The following LRFN5 variants were observed in gnomAD, a reference collection of about 807,000 sequenced individuals.
LRFN5 encodes leucine rich repeat and fibronectin type III domain containing 5, also known as leucine-rich repeat and fibronectin type-III domain-containing protein 5.
In LRFN5, 24 loss-of-function variants were observed where a neutral mutation model predicts 45.6. The observed-to-expected ratio is 0.53, with a 90% CI of 0.38 to 0.74. The LOEUF (loss-of-function observed/expected upper bound fraction) is 0.74. Among genes scored for constraint, LRFN5 ranks in the 30% least tolerant of loss-of-function variants. The probability of loss-of-function intolerance (pLI) is 0.00; values close to 1 mark genes in which losing one functional copy is unlikely to be tolerated. For synonymous variants in LRFN5, 340 were observed against 313.8 expected, an observed-to-expected ratio of 1.08 and a Z score of -0.88; for missense variants, 776 against 861.5, an observed-to-expected ratio of 0.90 and a Z score of 1.24.
chr14:41,655,532 G>A (rs974309115), intron 1 of LRFN5, among the ~76,000 whole-genome samples: 3 of 152,008 alleles, frequency 2.0e-5, no homozygotes, highest in African/African-American at 7.2e-5. Context: ...CTTGGTTAAG[G>A]CTTGTACTCT....
At chr14:41,719,984 T>C (rs1883648772) in intron 1 of LRFN5, among the ~76,000 whole-genome samples, 1 of 152,026 alleles carries the variant, frequency 6.6e-6, no homozygotes, top group African/African-American at 2.4e-5. Context: ...AATTTTAACT[T>C]TCATTTTAGA....
chr14:41,852,369 C>T (rs60113543), intron 2 of LRFN5, among the ~76,000 whole-genome samples: 14,358 of 151,788 alleles, frequency 0.095, 1,617 homozygotes, highest in East Asian at 0.44. Context: ...AATTGATAAT[C>T]TATGAAAAAT....
intron 5 of LRFN5, among the ~76,000 whole-genome samples, chr14:41,901,910 C>T (rs967004603): frequency 6.6e-6 from 1 of 151,872 alleles, no homozygotes; most frequent in African/African-American, 2.4e-5. Context: ...ATGTAGGAAA[C>T]ATTTGGCTGT....
Position 41,795,326 on chromosome 14 carries a change from G to A in LRFN5, c.-21+28297G>A, listed in dbSNP as rs567485189. ...AAATAGGAACAATTTTACACTGTTG[G>A]TGGGACTGTAAACTAGTTCAACCAT... is the stretch of plus-strand genomic sequence containing the variant. On this transcript the variant is annotated intron_variant, in intron 2 of 5. Transcript: ENST00000298119. Among the ~76,000 whole-genome samples the A allele has an allele frequency of 3.3e-5, 5 of 152,116 alleles. 1 individual carries two copies. Among genetic ancestry groups the A allele is most frequent in the East Asian group, 1.9e-4 (1 of 5,178 alleles).
At chr14:41,799,017 G>A (rs1328671579) in intron 2 of LRFN5, among the ~76,000 whole-genome samples, 1 of 151,350 alleles carries the variant, frequency 6.6e-6, no homozygotes, top group Non-Finnish European at 1.5e-5. Flanking sequence ...CTTTTTTTCT[G>A]TTTGTTTTAA....
chr14:41,692,834 AT>A (rs200989688), intron 1 of LRFN5, among the ~76,000 whole-genome samples: 2,333 of 151,290 alleles, frequency 0.015, 13 homozygotes, highest in African/African-American at 0.022. Context: ...AAGCTCTTCA[AT>A]TTTTTTTTCT....
At chr14:41,862,268 A>C (rs1889690977) in intron 2 of LRFN5, among the ~76,000 whole-genome samples, 1 of 151,960 alleles carries the variant, frequency 6.6e-6, no homozygotes. Flanking sequence ...ACAAAATAAA[A>C]CCCACTATCT....
chr14:41,763,826 G>A (rs1417065419), intron 1 of LRFN5, among the ~76,000 whole-genome samples: 6 of 152,114 alleles, frequency 3.9e-5, no homozygotes, highest in South Asian at 4.1e-4. Flanking sequence ...CCTCAGTTAT[G>A]TCTTTATTAG....
intron 2 of LRFN5, among the ~76,000 whole-genome samples, chr14:41,873,219 A>G (rs909194130): frequency 6.6e-6 from 1 of 152,216 alleles, no homozygotes; most frequent in African/African-American, 2.4e-5. Flanking sequence ...TCCTATTTTC[A>G]GGCATAGTGC....
chr14:41,897,023 C>A (rs1890962220), intron 4 of LRFN5, among the ~76,000 whole-genome samples: 1 of 151,354 alleles, frequency 6.6e-6, no homozygotes, highest in African/African-American at 2.4e-5. Flanking sequence ...ACCCTGGAGT[C>A]GGAGGTTGCA....
intron 1 of LRFN5, among the ~76,000 whole-genome samples, chr14:41,635,501 G>A (rs868303511): frequency 2.0e-5 from 3 of 152,052 alleles, no homozygotes; most frequent in Admixed American, 6.6e-5. Flanking sequence ...AACCTCACTC[G>A]TGATTCTAAT....
chr14:41,877,715 A>G (rs1309380307), intron 2 of LRFN5, among the ~76,000 whole-genome samples: 11 of 152,020 alleles, frequency 7.2e-5, no homozygotes. Flanking sequence ...GGACTATGCA[A>G]ATTTAAATAT....
intron 1 of LRFN5, among the ~76,000 whole-genome samples, chr14:41,735,389 T>G (rs909415246): frequency 3.9e-5 from 6 of 151,960 alleles, no homozygotes; most frequent in South Asian, 2.1e-4. Context: ...TACCTCAGCC[T>G]GCTGACTAGC....
intron 1 of LRFN5, among the ~76,000 whole-genome samples, chr14:41,734,323 T>TATATATATATATAC (rs2138802160): frequency 1.2e-5 from 1 of 80,692 alleles, no homozygotes; most frequent in South Asian, 4.6e-4. Flanking sequence ...GTTTTATATA[T>TATATATATATATAC]ATATATATAT....
At chr14:41,731,607 C>T (rs1205320016) in intron 1 of LRFN5, among the ~76,000 whole-genome samples, 1 of 152,096 alleles carries the variant, frequency 6.6e-6, no homozygotes, top group East Asian at 1.9e-4. Context: ...CTACTTCCAC[C>T]ATTCTACCCT....
At chr14:41,684,247 A>G (rs1028313900) in intron 1 of LRFN5, among the ~76,000 whole-genome samples, 1 of 152,182 alleles carries the variant, frequency 6.6e-6, no homozygotes, top group African/African-American at 2.4e-5. Context: ...GAAAAGTGAA[A>G]GTAGACCCCT....
At chr14:41,669,593 T>A (rs1881070044) in intron 1 of LRFN5, among the ~76,000 whole-genome samples, 1 of 152,016 alleles carries the variant, frequency 6.6e-6, no homozygotes, top group South Asian at 2.1e-4. Flanking sequence ...ACTATTGGCA[T>A]GGTTGTCGCT....
intron 1 of LRFN5, among the ~76,000 whole-genome samples, chr14:41,673,748 G>T (rs1211438834): frequency 6.9e-6 from 1 of 145,208 alleles, no homozygotes; most frequent in Non-Finnish European, 1.5e-5. Flanking sequence ...AGGGGTGGCC[G>T]GGCAGAGGCA....
chr14:41,646,868 T>G (rs1330000348), intron 1 of LRFN5, among the ~76,000 whole-genome samples: 1 of 152,156 alleles, frequency 6.6e-6, no homozygotes, highest in Admixed American at 6.5e-5. Context: ...CCTAACAGCC[T>G]CAATTCTAGA....
Sources: gnomAD v4.1 joint callset for allele counts (sites outside exome capture counted in the v4.1 genomes callset) on GRCh38, gnomAD v4.1.1 for gene constraint, MANE v1.5 for transcripts, NCBI Gene and HGNC (gene_info 2026-07-23, HGNC 2026-07-21) for gene names.